Variants in LARGE1 observed in about 807,000 individuals in gnomAD.
LARGE1 encodes xylosyl- and glucuronyltransferase LARGE1.
Under a neutral mutation model 87.6 loss-of-function variants are expected in LARGE1, and 43 were observed. That is an observed-to-expected ratio of 0.49 (90% CI 0.38 to 0.63). The LOEUF (loss-of-function observed/expected upper bound fraction) is 0.63, where lower values mean the gene tolerates loss of function less well. Among genes scored for constraint, LARGE1 ranks in the 30% least tolerant of loss-of-function variants. LARGE1 has a pLI of 0.00. For synonymous variants in LARGE1, 434 were observed against 394.6 expected (o/e 1.10, Z -1.18); for missense variants, 802 against 1,000.2 (o/e 0.80, Z 2.67).
At chr22:33,411,775 C>T (rs972992904) in intron 7 of LARGE1, among the ~76,000 whole-genome samples, 2 of 152,162 alleles carry the variant, frequency 1.3e-5, no homozygotes, top group African/African-American at 4.8e-5. Context: ...CGAATTATAG[C>T]ACCTCCATCA....
intron 11 of LARGE1, among the ~76,000 whole-genome samples, chr22:33,193,418 T>C (rs1206547326): frequency 6.6e-6 from 1 of 151,494 alleles, no homozygotes; most frequent in African/African-American, 2.4e-5. Flanking sequence ...CACATATGAG[T>C]AGAGTGATAA....
chr22:33,807,065 C>G (rs943026522), intron 1 of LARGE1, among the ~76,000 whole-genome samples: 1 of 152,122 alleles, frequency 6.6e-6, no homozygotes, highest in Admixed American at 6.5e-5. Context: ...ACAAAGACAG[C>G]TGGATAGGCA....
intron 1 of LARGE1, among the ~76,000 whole-genome samples, chr22:33,918,763 C>G (rs898831091): frequency 1.3e-5 from 2 of 152,102 alleles, no homozygotes; most frequent in African/African-American, 2.4e-5. Flanking sequence ...AAAATTAACC[C>G]GAGGTGACTG....
intron 7 of LARGE1, among the ~76,000 whole-genome samples, chr22:33,390,895 C>G (rs894119764): frequency 6.6e-6 from 1 of 152,134 alleles, no homozygotes; most frequent in African/African-American, 2.4e-5. Flanking sequence ...AGGGGTTTCA[C>G]CATGTTAGCC....
At chr22:33,235,272 A>G (rs1926196314) in intron 11 of LARGE1, among the ~76,000 whole-genome samples, 1 of 152,166 alleles carries the variant, frequency 6.6e-6, no homozygotes, top group South Asian at 2.1e-4. Flanking sequence ...CAAATACATA[A>G]AGAAGAGAGT....
intron 5 of LARGE1, among the ~76,000 whole-genome samples, chr22:33,569,265 G>C (rs1245976357): frequency 6.6e-6 from 1 of 152,144 alleles, no homozygotes; most frequent in Non-Finnish European, 1.5e-5. Context: ...AGGAGAGCTG[G>C]GTGAAGACTG....
Position 33,710,886 on chromosome 22 carries a change from T to G in LARGE1, c.106+50485A>C, listed in dbSNP as rs116235265. On this transcript the variant is annotated intron_variant, in intron 2 of 14. Coordinates refer to ENST00000397394, the MANE Select transcript of LARGE1 (RefSeq NM_133642.5). ...AGTACACGATAAATGCTGTATGATG[T>G]TTTTTCTCAAAAGACCAGTTAAAAC... 4.5e-3 allele frequency among the ~76,000 whole-genome samples: 679 copies of G among 152,296 alleles called. 6 individuals carry two copies. The highest frequency in any genetic ancestry group is 0.016 in the African/African-American group (663 of 41,558).
At chr22:33,270,547 TG>T (rs531990892), downstream of LARGE1, among the ~76,000 whole-genome samples, 229 of 152,312 alleles carry the variant, frequency 1.5e-3, no homozygotes, top group Middle Eastern at 3.4e-3. Context: ...AGCTAAATAA[TG>T]GGGATAATAA....
chr22:33,687,394 T>C (rs1240403590), intron 2 of LARGE1, among the ~76,000 whole-genome samples: 1 of 151,966 alleles, frequency 6.6e-6, no homozygotes, highest in East Asian at 1.9e-4. Flanking sequence ...GCTTTTTTTT[T>C]TTTTAAATAA....
rs529288847 is a variant in LARGE1 at position 33,581,516 on chromosome 22, AAGACAGAG to A, written c.616-16505_616-16498del. Among the ~76,000 whole-genome samples the A allele has an allele frequency of 2.4e-3, 369 of 152,238 alleles. 2 individuals are homozygous for A. Among genetic ancestry groups the A allele is most frequent in the Admixed American group, 4.6e-3 (71 of 15,288 alleles). ...GGCTTGTTTTCCATGCTTCAGTTAG[AAGACAGAG>A]AGAATCTGACTGGGCACGGTGGCTC... is the stretch of plus-strand genomic sequence containing the variant. On this transcript the variant is annotated intron_variant, in intron 5 of 14. Transcript: ENST00000397394.
intron 9 of LARGE1, among the ~76,000 whole-genome samples, chr22:33,344,229 C>T (rs1939478361): frequency 2.0e-5 from 3 of 152,220 alleles, no homozygotes; most frequent in Admixed American, 2.0e-4. Flanking sequence ...TTAACCATCA[C>T]ACTCAGAAAT....
At chr22:33,071,779 G>A in the LARGE1 span, among the ~76,000 whole-genome samples, 1 of 152,260 alleles carries the variant, frequency 6.6e-6, no homozygotes, top group South Asian at 2.1e-4. Context: ...CTAGTTACTT[G>A]ATTACTTCTG....
chr22:33,113,374 AT>A, the LARGE1 span, among the ~76,000 whole-genome samples: 2 of 151,832 alleles, frequency 1.3e-5, 1 homozygote, highest in South Asian at 4.2e-4. Context: ...CGCCTGGCTA[AT>A]TTTGTATTTT....
chr22:33,524,722 T>A (rs2071797180), intron 6 of LARGE1, among the ~76,000 whole-genome samples: 1 of 150,332 alleles, frequency 6.7e-6, no homozygotes, highest in East Asian at 1.9e-4. Context: ...CCTGGTTGGC[T>A]GATCTGCCAA....
Position 33,479,077 on chromosome 22 carries a change from G to C in LARGE1, c.788-46812C>G, listed in dbSNP as rs184304479. On this transcript the variant is annotated intron_variant, in intron 6 of 14. Coordinates refer to ENST00000397394, the MANE Select transcript of LARGE1 (RefSeq NM_133642.5). The stretch of plus-strand genomic sequence containing the variant: ...CTTTTTTGTTTAAGCCTGAATTCCT[G>C]AGGCCAACTTTCCTCCTGCAAGCAG... Among the ~76,000 whole-genome samples the C allele has an allele frequency of 1.3e-3, 198 of 152,258 alleles. 1 individual carries two copies. Among genetic ancestry groups the C allele is most frequent in the Non-Finnish European group, 2.4e-4 (16 of 68,022 alleles).
chr22:33,246,664 A>C (rs1424387934), intron 11 of LARGE1, among the ~76,000 whole-genome samples: 1 of 152,120 alleles, frequency 6.6e-6, no homozygotes, highest in Non-Finnish European at 1.5e-5. Context: ...ATAAATAACA[A>C]CTTTTAAAAA....
intron 9 of LARGE1, among the ~76,000 whole-genome samples, chr22:33,341,434 A>G (rs1939131692): frequency 6.6e-6 from 1 of 152,048 alleles, no homozygotes; most frequent in Non-Finnish European, 1.5e-5. Flanking sequence ...GGTTCCATCT[A>G]TGAGAGTCTG....
chr22:33,588,360 C>T (rs569348546), intron 5 of LARGE1, among the ~76,000 whole-genome samples: 1 of 152,256 alleles, frequency 6.6e-6, no homozygotes, highest in South Asian at 2.1e-4. Context: ...GAATGCCAGG[C>T]CCAGAACACT....
chr22:33,181,711 G>A (rs1391856526), intron 11 of LARGE1, among the ~76,000 whole-genome samples: 2 of 151,086 alleles, frequency 1.3e-5, no homozygotes, highest in Non-Finnish European at 2.9e-5. Context: ...TGTATTTTTA[G>A]TAGAGATGGA....
Sources: gnomAD v4.1 joint callset for allele counts (sites outside exome capture counted in the v4.1 genomes callset) on GRCh38, gnomAD v4.1.1 for gene constraint, MANE v1.5 for transcripts, NCBI Gene and HGNC (gene_info 2026-07-23, HGNC 2026-07-21) for gene names.